NRBP2: variants seen among roughly 807,000 people sequenced by gnomAD.
The protein encoded by NRBP2 is nuclear receptor-binding protein 2.
Under a neutral mutation model 74.4 loss-of-function variants are expected in NRBP2, and 47 were observed. The observed-to-expected ratio is 0.63, with a 90% CI of 0.50 to 0.81. The LOEUF (loss-of-function observed/expected upper bound fraction) is 0.81. Ranked by LOEUF, NRBP2 falls within the 30% of genes least tolerant of loss-of-function variation. The pLI is 0.00. For missense variants in NRBP2, 613 were observed against 690.1 expected, an observed-to-expected ratio of 0.89 and a Z score of 1.25; for synonymous variants, 312 against 273.8, an observed-to-expected ratio of 1.14 and a Z score of -1.38.
chr8:143,837,708 A>G lies in NRBP2; in HGVS notation c.888T>C (p.Ser296=), dbSNP rs1554652329. The change falls in exon 11 of 18, where the codon TCT becomes TCC. Residue 296 remains serine, a synonymous_variant. Coordinates refer to ENST00000442628, the MANE Select transcript of NRBP2 (RefSeq NM_178564.4). The surrounding 1 kb of genome is among the most constrained non-coding windows in gnomAD (Gnocchi z 4.3). ...CLARDPARRP[S]AHSLLFHRVL... ...CGCGGTGGAAGAGGAGGCTGTGGGC[A>G]GAGGGCCGGCGGGCAGGGTCCCGGG... The G allele has an allele frequency of 1.3e-6, 2 of 1,567,688 alleles. No individual in the cohort carries two copies. The highest frequency in any genetic ancestry group is 1.7e-6 in the Non-Finnish European group (2 of 1,155,804).
downstream of NRBP2, among the ~76,000 whole-genome samples, chr8:143,831,295 C>G (rs1259490642): frequency 6.6e-6 from 1 of 152,224 alleles, no homozygotes; most frequent in Admixed American, 6.5e-5. Flanking sequence ...AGCCTGTGTT[C>G]TTGCCACCAC....
rs781967436 is a variant in NRBP2 at position 143,840,330 on chromosome 8, C to T, written c.130-101G>A. The T allele has an allele frequency of 2.5e-5, 36 of 1,444,620 alleles. No homozygotes were observed. Among genetic ancestry groups the T allele is most frequent in the Non-Finnish European group, 2.8e-5 (30 of 1,081,002 alleles). 89.5% of individuals were successfully genotyped at this position (1,444,620 alleles called of 1,614,324 possible). A position where few individuals can be genotyped will look rare whatever the true frequency, so the allele number is the denominator to read the frequency against. On this transcript the variant is annotated intron_variant, in intron 1 of 17. Coordinates refer to ENST00000442628, the MANE Select transcript of NRBP2 (RefSeq NM_178564.4). This position sits in a 1 kb window ranked among gnomAD's most constrained non-coding sequence, Gnocchi z 5.7. ...CCTTTCCAGTGGGCCCAAGCGTGGG[C>T]TGCAGGCCCTGAGCCACTCTGCGGG...
In NRBP2 at chr8:143,836,136, C is replaced by T. The variant is rs143477290; in HGVS notation, c.1308G>A (p.Ala436=). The stretch of plus-strand genomic sequence containing the variant: ...CCCAGGCCCCGCTCACATGCCAGCG[C>T]GCCTTGTCCTCGCTTCTCTCCAGGT... The part of the protein sequence containing the change: ...QCNLERSEDK[A]RWHLTLLLVL... Residue 436 remains alanine (A), a synonymous_variant, in exon 15 of 18, where the codon GCG becomes GCA. Transcript: ENST00000442628. 4.9e-5 allele frequency: 78 copies of T among 1,599,754 alleles called. 1 individual carries two copies. The highest frequency in any genetic ancestry group is 3.3e-4 in the Admixed American group (19 of 57,342).
chr8:143,840,262 G>A lies in NRBP2; in HGVS notation c.130-33C>T, dbSNP rs1185288209. On this transcript the variant is annotated intron_variant, in intron 1 of 17. Coordinates refer to ENST00000442628, the MANE Select transcript of NRBP2 (RefSeq NM_178564.4). The surrounding 1 kb of genome is among the most constrained non-coding windows in gnomAD (Gnocchi z 5.7). ...TGAATAAAGGGTTATGTGTGCCCTG[G>A]TGTGTGTCAGGGTTGTGGGTGAGGA... 4 of 1,535,116 alleles carry A rather than the reference G, an allele frequency of 2.6e-6. No individual in the cohort carries two copies. The highest frequency in any genetic ancestry group is 2.6e-6 in the Non-Finnish European group (3 of 1,146,328).
rs1180099910 is a variant in NRBP2, at chr8:143,840,066, G to A, written c.253-36C>T. 5.2e-6 allele frequency: 8 copies of A among 1,536,020 alleles called. No individual in the cohort carries two copies. Among genetic ancestry groups the A allele is most frequent in the Non-Finnish European group, 7.0e-6 (8 of 1,146,896 alleles). On this transcript the variant is annotated intron_variant, in intron 2 of 17. Coordinates refer to ENST00000442628, the MANE Select transcript of NRBP2 (RefSeq NM_178564.4). This position sits in a 1 kb window ranked among gnomAD's most constrained non-coding sequence, Gnocchi z 5.7. Reference sequence around the variant, plus strand: ...AGGGTGGTCGCTGGGTGGTCAGCAGGTGGTCACCCAAGCAGGATGAGGAGG... The same window carrying A: ...AGGGTGGTCGCTGGGTGGTCAGCAGATGGTCACCCAAGCAGGATGAGGAGG...
rs139998151 is a variant in NRBP2 at position 143,837,454 on chromosome 8, C to A, written c.1029G>T (p.Ala343=). The change falls in exon 12 of 18, where the codon GCG becomes GCT. Residue 343 remains alanine (A), a synonymous_variant. Transcript: ENST00000442628. This position sits in a 1 kb window ranked among gnomAD's most constrained non-coding sequence, Gnocchi z 4.3. ...EEKTKAMDLH[A]VLAELPRPRR... ...GGGGCCGGGGAAGCTCCGCCAAGAC[C>A]GCGTGCAGGTCCATGGCCTTGGTCT... The A allele has an allele frequency of 1.9e-6, 3 of 1,609,984 alleles. No individual in the cohort carries two copies. Among genetic ancestry groups the A allele is most frequent in the Non-Finnish European group, 2.5e-6 (3 of 1,178,880 alleles).
rs1327058407 is a variant in NRBP2, at chr8:143,837,941, G to A, written c.841-186C>T. ...CCAGGACCTGGTCCTCTGAGCTTGA[G>A]GACAGCTGGGTTCTGGGATTGGAGC... On this transcript the variant is annotated intron_variant, in intron 10 of 17. Coordinates refer to ENST00000442628, the MANE Select transcript of NRBP2 (RefSeq NM_178564.4). The surrounding 1 kb of genome is among the most constrained non-coding windows in gnomAD (Gnocchi z 4.3). 4.0e-6 allele frequency: 3 copies of A among 749,450 alleles called. No individual in the cohort carries two copies. Among genetic ancestry groups the A allele is most frequent in the African/African-American group, 3.4e-5 (2 of 58,106 alleles). The allele number at this position is 749,450 out of a possible 1,614,324, so 46.4% of individuals were successfully genotyped here.
rs1818247884 is a variant in NRBP2, at chr8:143,833,752, T to C, written c.*1910A>G. On this transcript the variant is annotated 3_prime_UTR_variant, in exon 18 of 18. Coordinates refer to ENST00000442628, the MANE Select transcript of NRBP2 (RefSeq NM_178564.4). ...GCAGCAATGGTGGTATTGATGCTTT[T>C]AAGTTCAGTTTAATCAGTAGTACAA... 2 of 152,230 alleles carry C rather than the reference T, an allele frequency of 1.3e-5. No individual in the cohort carries two copies. The highest frequency in any genetic ancestry group is 4.8e-5 in the African/African-American group (2 of 41,456). 9.4% of individuals were successfully genotyped at this position (152,230 alleles called of 1,614,324 possible). A position where few individuals can be genotyped will look rare whatever the true frequency, so the allele number is the denominator to read the frequency against.
rs55864230 is a variant in NRBP2 at position 143,839,107 on chromosome 8, G to A, written c.605-7C>T. The A allele has an allele frequency of 2.6e-3, 3,996 of 1,520,130 alleles. 9 individuals are homozygous for A. The highest frequency in any genetic ancestry group is 3.1e-3 in the Non-Finnish European group (3,558 of 1,136,896). 94.2% of individuals were successfully genotyped at this position (1,520,130 alleles called of 1,614,324 possible). A position where few individuals can be genotyped will look rare whatever the true frequency, so the allele number is the denominator to read the frequency against. On this transcript the variant is annotated splice_polypyrimidine_tract_variant and splice_region_variant and intron_variant, in intron 7 of 17. Coordinates refer to ENST00000442628, the MANE Select transcript of NRBP2 (RefSeq NM_178564.4). The surrounding 1 kb of genome is among the most constrained non-coding windows in gnomAD (Gnocchi z 5.1). Reference sequence around the variant, plus strand: ...CGGAGATCATCTGGAAGTGCTGTGGGAGGGCGCAGAGCTGAGCGGGCGGGG... The same window carrying A: ...CGGAGATCATCTGGAAGTGCTGTGGAAGGGCGCAGAGCTGAGCGGGCGGGG...
intron 14 of NRBP2, among the ~76,000 whole-genome samples, chr8:143,836,756 C>T (rs771270234): frequency 1.3e-5 from 2 of 151,010 alleles, no homozygotes; most frequent in African/African-American, 4.9e-5. Flanking sequence ...TGGAAGAGCC[C>T]GGGTGAGTTC....
chr8:143,840,910 G>T lies in NRBP2; in HGVS notation c.-76C>A. 8.2e-7 allele frequency: 1 copy of T among 1,218,028 alleles called. No individual in the cohort carries two copies. The highest frequency in any genetic ancestry group is 1.0e-6 in the Non-Finnish European group (1 of 983,040). 75.5% of individuals were successfully genotyped at this position (1,218,028 alleles called of 1,614,324 possible). ...GCCTCTCCCGGCCCGCCCTGGCCTC[G>T]CGCCCAGCAGCCCAGCCTAGAGCCG... is the stretch of plus-strand genomic sequence containing the variant. On this transcript the variant is annotated 5_prime_UTR_variant, in exon 1 of 18. Transcript: ENST00000442628. This position sits in a 1 kb window ranked among gnomAD's most constrained non-coding sequence, Gnocchi z 5.7.
At position 143,839,673 on chromosome 8, in the gene NRBP2, C is replaced by A. The variant is rs1228031630; in HGVS notation, c.444+63G>T. ...GCCGCCGGGCACCCCCTCACCATCC[C>A]AGTCCCCGAGGCTGCCCCAACCCCG... On this transcript the variant is annotated intron_variant, in intron 4 of 17. Coordinates refer to ENST00000442628, the MANE Select transcript of NRBP2 (RefSeq NM_178564.4). The surrounding 1 kb of genome is among the most constrained non-coding windows in gnomAD (Gnocchi z 5.1). 18 of 1,528,582 alleles carry A rather than the reference C, an allele frequency of 1.2e-5. No individual in the cohort carries two copies. The highest frequency in any genetic ancestry group is 5.9e-5 in the Admixed American group (3 of 50,604). The allele number at this position is 1,528,582 out of a possible 1,614,324, so 94.7% of individuals were successfully genotyped here.
chr8:143,835,684 T>G lies in NRBP2; in HGVS notation c.1484A>C (p.Lys495Thr). Residue 495 changes from lysine (K) to threonine (T), a missense_variant, in exon 18 of 18, where the codon AAG becomes ACG. Lys to Thr is a moderately conservative substitution (Grantham distance 78). Transcript: ENST00000442628. This position sits in a 1 kb window ranked among gnomAD's most constrained non-coding sequence, Gnocchi z 4.9. Reference sequence around the variant, plus strand: ...GGGTCAGGCCTGGGTCCCACGGTACTTGAGGAAGGTGCTCTCCAGGAAGGC... The same window carrying G: ...GGGTCAGGCCTGGGTCCCACGGTACGTGAGGAAGGTGCTCTCCAGGAAGGC... ...LAAFLESTFL[K>T]YRGTQA The G allele has an allele frequency of 6.3e-7, 1 of 1,597,880 alleles. No individual in the cohort carries two copies. Among genetic ancestry groups the G allele is most frequent in the South Asian group, 1.1e-5 (1 of 88,784 alleles).
intron 10 of NRBP2, 70 bp downstream of exon 10, chr8:143,838,610 C>T (rs1184738381): frequency 8.7e-7 from 1 of 1,149,930 alleles, no homozygotes; most frequent in African/African-American, 1.5e-5. Context: ...CCCAGGTCTG[C>T]CTGGAGCACC....
intron 10 of NRBP2, chr8:143,838,134 G>A (rs1160150065): frequency 6.7e-6 from 3 of 447,630 alleles, no homozygotes; most frequent in East Asian, 5.0e-5. Context: ...TGCCCAGCCC[G>A]GCTCCAGCTC....
Position 143,837,538 on chromosome 8 carries a change from T to C in NRBP2, c.974-29A>G, listed in dbSNP as rs376416630. The C allele has an allele frequency of 1.8e-5, 28 of 1,592,722 alleles. No individual in the cohort carries two copies. In the African/African-American group the frequency reaches 3.1e-4, roughly 18 times the overall value. ...CGGCCACAAGAGCATCAAGGCGGTG[T>C]GCTCAGGCCGTGGGTCCTGCAGGGC... On this transcript the variant is annotated intron_variant, in intron 11 of 17. Transcript: ENST00000442628. The surrounding 1 kb of genome is among the most constrained non-coding windows in gnomAD (Gnocchi z 4.3).
rs1554652040 is a variant in NRBP2 at position 143,837,142 on chromosome 8, G to T, written c.1160C>A (p.Ala387Asp). The T allele has an allele frequency of 3.1e-6, 5 of 1,612,242 alleles. No homozygotes were observed. Among genetic ancestry groups the T allele is most frequent in the Non-Finnish European group, 4.2e-6 (5 of 1,178,668 alleles). The change falls in exon 14 of 18, where the codon GCC becomes GAC. Residue 387 changes from alanine to aspartate, a missense_variant. Ala to Asp is a moderately radical substitution (Grantham distance 126). This residue lies in a region of NRBP2 where 281 missense variants were observed against 260.9 expected (regional missense o/e 1.08). Transcript: ENST00000442628. The surrounding 1 kb of genome is among the most constrained non-coding windows in gnomAD (Gnocchi z 4.3). ...ACGGGGCAGCCCCAGGGGTCGAGTG[G>T]CTGCAAAGTTCATCAGTGGGTAGAT... ...NGIYPLMNFA[A>D]TRPLGLPRVL...
At chr8:143,836,343 G>T (rs1304370612) in intron 14 of NRBP2, among the ~76,000 whole-genome samples, 163 bp from the exon 15 acceptor site, 1 of 152,156 alleles carries the variant, frequency 6.6e-6, no homozygotes, top group Non-Finnish European at 1.5e-5. Flanking sequence ...GCTTCGAGAA[G>T]AGTCGACATT....
Position 143,839,831 on chromosome 8 carries a change from C to A in NRBP2, c.355-6G>T, listed in dbSNP as rs144488751. ...TACTCTGTGATGAAGATGACCTGCA[C>A]GGTGCGAGCTCAGGATTTCCACCAG... On this transcript the variant is annotated splice_region_variant and splice_polypyrimidine_tract_variant and intron_variant, in intron 3 of 17. Transcript: ENST00000442628. This position sits in a 1 kb window ranked among gnomAD's most constrained non-coding sequence, Gnocchi z 5.1. 3 of 1,536,042 alleles carry A rather than the reference C, an allele frequency of 2.0e-6. No individual in the cohort carries two copies. The highest frequency in any genetic ancestry group is 2.6e-6 in the Non-Finnish European group (3 of 1,146,816).
Sources: gnomAD v4.1 joint callset for allele counts (sites outside exome capture counted in the v4.1 genomes callset) on GRCh38, gnomAD v4.1.1 for gene constraint, gnomAD v4.1.1 regional missense constraint, Gnocchi (gnomAD v3.1) non-coding constraint, MANE v1.5 for transcripts, NCBI Gene and HGNC (gene_info 2026-07-23, HGNC 2026-07-21) for gene names.